The following CCSER1 variants were observed in gnomAD, a reference collection of about 807,000 sequenced individuals.
CCSER1 encodes serine-rich coiled-coil domain-containing protein 1.
Under a neutral mutation model 82.0 loss-of-function variants are expected in CCSER1, and 41 were observed. The observed-to-expected ratio is 0.50, with a 90% confidence interval of 0.39 to 0.65. CCSER1 has a LOEUF of 0.65. Among genes scored for constraint, CCSER1 ranks in the 30% least tolerant of loss-of-function variants. CCSER1 has a pLI of 0.00. For synonymous variants in CCSER1, 414 were observed against 383.9 expected (o/e 1.08, Z -0.92); for missense variants, 1,119 against 1,064.2 (o/e 1.05, Z -0.72).
intron 10 of CCSER1, among the ~76,000 whole-genome samples, chr4:91,226,178 G>A (rs1472445346): frequency 6.6e-6 from 1 of 151,514 alleles, no homozygotes; most frequent in Non-Finnish European, 1.5e-5. Flanking sequence ...TCAGAGAAAA[G>A]GACTAAAAGA....
At chr4:90,646,976 T>C (rs1225098319) in intron 6 of CCSER1, among the ~76,000 whole-genome samples, 1 of 151,968 alleles carries the variant, frequency 6.6e-6, no homozygotes, top group Non-Finnish European at 1.5e-5. Context: ...ACACACATCC[T>C]TTTCATTTTA....
chr4:91,251,200 G>A (rs1191768854), intron 10 of CCSER1, among the ~76,000 whole-genome samples: 3 of 152,146 alleles, frequency 2.0e-5, no homozygotes, highest in African/African-American at 7.2e-5. Flanking sequence ...GAGGCTAGAA[G>A]TCCAAGATCA....
intron 4 of CCSER1, among the ~76,000 whole-genome samples, chr4:90,465,953 A>G (rs1639090130): frequency 6.6e-6 from 1 of 152,176 alleles, no homozygotes. Flanking sequence ...CAGTATATAT[A>G]TTCAATTTCA....
chr4:90,848,899 C>G (rs1763518221), intron 8 of CCSER1, among the ~76,000 whole-genome samples: 1 of 152,216 alleles, frequency 6.6e-6, no homozygotes, highest in Admixed American at 6.5e-5. Flanking sequence ...CACTCATTTT[C>G]TCTCCTGCCA....
intron 10 of CCSER1, among the ~76,000 whole-genome samples, chr4:91,214,026 G>T (rs904826082): frequency 3.3e-5 from 5 of 152,106 alleles, no homozygotes; most frequent in Admixed American, 2.6e-4. Flanking sequence ...TTATATGTGG[G>T]TTGAATAGGG....
chr4:90,820,677 AT>A (rs1759615233), intron 8 of CCSER1, among the ~76,000 whole-genome samples: 1 of 151,808 alleles, frequency 6.6e-6, no homozygotes, highest in African/African-American at 2.4e-5. Flanking sequence ...AATATTACAT[AT>A]TTATCAATAG....
chr4:90,805,407 C>T (rs1222069514), intron 7 of CCSER1, among the ~76,000 whole-genome samples: 5 of 152,198 alleles, frequency 3.3e-5, no homozygotes, highest in Admixed American at 1.3e-4. Context: ...GTGGTTTCTG[C>T]TTCTCAGCAT....
At chr4:91,035,804 A>G (rs1222379634) in intron 9 of CCSER1, among the ~76,000 whole-genome samples, 1 of 152,182 alleles carries the variant, frequency 6.6e-6, no homozygotes, top group Non-Finnish European at 1.5e-5. Flanking sequence ...ATTTTCAGGT[A>G]TAGATCACTG....
intron 7 of CCSER1, among the ~76,000 whole-genome samples, chr4:90,807,733 T>A (rs1252880687): frequency 2.0e-5 from 3 of 150,342 alleles, no homozygotes; most frequent in Non-Finnish European, 4.4e-5. Flanking sequence ...ATGAAAAAAA[T>A]CATATATGAC....
chr4:91,195,753 A>G (rs1039222241), intron 10 of CCSER1, among the ~76,000 whole-genome samples: 2 of 152,198 alleles, frequency 1.3e-5, no homozygotes, highest in Admixed American at 6.5e-5. Flanking sequence ...TCTCATATCT[A>G]TCTCTCACAT....
chr4:90,839,178 A>G (rs868457347), intron 8 of CCSER1: 2 of 722,952 alleles, frequency 2.8e-6, no homozygotes, highest in African/African-American at 1.8e-5. Context: ...GAGAAATATT[A>G]TTATGATCTT....
chr4:90,870,527 G>T (rs78060995), intron 8 of CCSER1, among the ~76,000 whole-genome samples: 1 of 151,644 alleles, frequency 6.6e-6, no homozygotes, highest in Non-Finnish European at 1.5e-5. Flanking sequence ...TTGCATCCTG[G>T]AGATAAACCC....
intron 10 of CCSER1, among the ~76,000 whole-genome samples, chr4:91,488,997 G>A (rs2110064722): frequency 6.6e-6 from 1 of 152,244 alleles, no homozygotes; most frequent in Middle Eastern, 3.4e-3. Flanking sequence ...ATGGAAGAAA[G>A]CATTATTTTG....
intron 9 of CCSER1, among the ~76,000 whole-genome samples, chr4:90,987,194 T>A (rs1736646160): frequency 6.6e-6 from 1 of 151,322 alleles, no homozygotes. Flanking sequence ...TTACAGTTCA[T>A]CTGTTTTTCA....
intron 7 of CCSER1, among the ~76,000 whole-genome samples, chr4:90,772,944 A>C (rs1752401021): frequency 6.6e-6 from 1 of 152,216 alleles, no homozygotes; most frequent in Non-Finnish European, 1.5e-5. Flanking sequence ...AGCAATGTTT[A>C]AAAATGAGTG....
At chr4:90,237,248 A>T (rs913990186) in intron 1 of CCSER1, among the ~76,000 whole-genome samples, 5 of 152,176 alleles carry the variant, frequency 3.3e-5, no homozygotes, top group African/African-American at 4.8e-5. Flanking sequence ...AGAATTTCGA[A>T]ATTTGTAGGA....
chr4:91,389,967 A>T (rs1035798654), intron 10 of CCSER1, among the ~76,000 whole-genome samples: 1 of 151,908 alleles, frequency 6.6e-6, no homozygotes, highest in African/African-American at 2.4e-5. Flanking sequence ...TTTTTTGTAG[A>T]TTATTTGGGA....
chr4:91,372,824 G>A (rs182754177), intron 10 of CCSER1, among the ~76,000 whole-genome samples: 134 of 152,046 alleles, frequency 8.8e-4, no homozygotes, highest in African/African-American at 3.1e-3. Flanking sequence ...CTGAGTAAGA[G>A]ACAAACCACC....
intron 4 of CCSER1, among the ~76,000 whole-genome samples, chr4:90,446,643 T>A (rs562578609): frequency 6.6e-6 from 1 of 152,204 alleles, no homozygotes; most frequent in South Asian, 2.1e-4. Flanking sequence ...TAAAAGGAAA[T>A]CTCTTAAGGA....
Sources: gnomAD v4.1 joint callset for allele counts (sites outside exome capture counted in the v4.1 genomes callset) on GRCh38, gnomAD v4.1.1 for gene constraint, MANE v1.5 for transcripts, NCBI Gene and HGNC (gene_info 2026-07-23, HGNC 2026-07-21) for gene names.